Variants in LMLN observed in about 807,000 individuals in gnomAD.
The protein encoded by LMLN is leishmanolysin like peptidase.
A neutral mutation model predicts 92.3 loss-of-function variants in LMLN; 70 were observed. That is an observed-to-expected ratio of 0.76 (90% CI 0.63 to 0.92). The LOEUF is 0.92. Ranked by LOEUF, LMLN falls within the 40% of genes least tolerant of loss-of-function variation. The pLI is 0.00. For synonymous variants in LMLN, 308 were observed against 296.2 expected (o/e 1.04, Z -0.41); for missense variants, 691 against 814.6 (o/e 0.85, Z 1.85).
rs1721820329 is a variant in LMLN, at chr3:197,990,006, C to A, written c.930-553C>A. Among the ~76,000 whole-genome samples the A allele has an allele frequency of 1.2e-4, 19 of 152,176 alleles. 1 individual carries two copies. Among genetic ancestry groups the A allele is most frequent in the Admixed American group, 1.2e-3 (19 of 15,282 alleles). On this transcript the variant is annotated intron_variant, in intron 8 of 15. Coordinates refer to ENST00000330198, the Ensembl canonical transcript of LMLN. ...CCTCTTGCCTCAGCCTCACGAGTAGCTGGGACTACAGGCACACACTACCAT... is the reference window on the plus strand; with the variant it reads ...CCTCTTGCCTCAGCCTCACGAGTAGATGGGACTACAGGCACACACTACCAT...
chr3:197,979,741 G>A (rs926804854), intron 5 of LMLN, among the ~76,000 whole-genome samples: 2 of 151,994 alleles, frequency 1.3e-5, no homozygotes, highest in African/African-American at 2.4e-5. Context: ...CCGAGATCAC[G>A]CCACTGCATT....
intron 14 of LMLN, among the ~76,000 whole-genome samples, chr3:198,035,365 T>G (rs1440727702): frequency 7.0e-6 from 1 of 142,110 alleles, no homozygotes; most frequent in East Asian, 2.0e-4. Context: ...CTTTTGGTTT[T>G]TTTTTTTTTT....
intron 11 of LMLN, among the ~76,000 whole-genome samples, chr3:198,015,222 C>G (rs1241477431): frequency 7.2e-5 from 10 of 138,466 alleles, no homozygotes; most frequent in East Asian, 2.2e-4. Context: ...AGCCTCCTAA[C>G]TAGTCTGACT....
chr3:197,991,111 C>CTTTTT (rs56713833), intron 9 of LMLN, among the ~76,000 whole-genome samples: 3 of 137,894 alleles, frequency 2.2e-5, no homozygotes, highest in African/African-American at 2.7e-5. Flanking sequence ...TTCTTTCTTT[C>CTTTTT]TTTTTTTTTT....
chr3:197,990,114 G>T (rs550232540), intron 8 of LMLN, among the ~76,000 whole-genome samples: 1 of 152,148 alleles, frequency 6.6e-6, no homozygotes, highest in South Asian at 2.1e-4. Flanking sequence ...CCAGTCTGGA[G>T]TGCAGTGGCA....
chr3:198,043,256 G>A (rs1723460768), exon 16 of LMLN: 1 of 152,380 alleles, frequency 6.6e-6, no homozygotes, highest in Non-Finnish European at 1.5e-5. Flanking sequence ...TGTGCTGGCT[G>A]TGATCTGCCT....
intron 6 of LMLN, among the ~76,000 whole-genome samples, chr3:197,982,991 C>T (rs1721601185): frequency 6.6e-6 from 1 of 152,168 alleles, no homozygotes; most frequent in Admixed American, 6.5e-5. Context: ...TTGTTTTCTT[C>T]CAAGTGCTGC....
chr3:198,011,439 C>A (rs1207381780), intron 11 of LMLN, among the ~76,000 whole-genome samples: 1 of 151,614 alleles, frequency 6.6e-6, no homozygotes, highest in Non-Finnish European at 1.5e-5. Context: ...CATGTCCCTA[C>A]AAAGGACATG....
rs1204634032 is a variant in LMLN, at chr3:198,031,784, T to C, written c.1657-4049T>C. On this transcript the variant is annotated intron_variant, in intron 14 of 15. Coordinates refer to ENST00000330198, the Ensembl canonical transcript of LMLN. The surrounding 1 kb of genome is among the most constrained non-coding windows in gnomAD (Gnocchi z 4.8). ...AATGGGTTGATTCTATTTTTGGTGATCATTAACAGCCTGTTCATATTCAAG... is the reference window on the plus strand; with the variant it reads ...AATGGGTTGATTCTATTTTTGGTGACCATTAACAGCCTGTTCATATTCAAG... Among the ~76,000 whole-genome samples, 2 of 152,066 alleles carry C rather than the reference T, an allele frequency of 1.3e-5. No homozygotes were observed. Among genetic ancestry groups the C allele is most frequent in the African/African-American group, 4.8e-5 (2 of 41,394 alleles).
chr3:197,964,535 A>G (rs1419789556), intron 1 of LMLN, among the ~76,000 whole-genome samples: 1 of 151,258 alleles, frequency 6.6e-6, no homozygotes, highest in Non-Finnish European at 1.5e-5. Flanking sequence ...AGTAGTTGGG[A>G]CTACAGGTGC....
Position 198,042,394 on chromosome 3 carries a change from A to G in LMLN, c.*3727A>G, listed in dbSNP as rs1723432496. ...ACAGAGTGAGACTTTCTTGGGAAAA[A>G]AAAAAATGACAGTGAAGCAGACTTT... is the stretch of plus-strand genomic sequence containing the variant. On this transcript the variant is annotated 3_prime_UTR_variant, in exon 16 of 16. Coordinates refer to ENST00000330198, the Ensembl canonical transcript of LMLN. The surrounding 1 kb of genome is among the most constrained non-coding windows in gnomAD (Gnocchi z 4.2). 6.6e-6 allele frequency: 1 copy of G among 152,200 alleles called. No individual in the cohort carries two copies. Among genetic ancestry groups the G allele is most frequent in the Non-Finnish European group, 1.5e-5 (1 of 68,046 alleles). 9.4% of individuals were successfully genotyped at this position (152,200 alleles called of 1,614,324 possible).
exon 15 of LMLN, chr3:198,035,842 TCTC>T (rs1291606278): frequency 6.2e-7 from 1 of 1,613,572 alleles, no homozygotes; most frequent in African/African-American, 1.3e-5. Flanking sequence ...GGTTTCTTGT[TCTC>T]CTCAAGGTCT....
intron 13 of LMLN, among the ~76,000 whole-genome samples, chr3:198,024,075 CT>C (rs1369149012): frequency 7.9e-5 from 12 of 152,112 alleles, no homozygotes; most frequent in Admixed American, 7.9e-4. Flanking sequence ...TCTAACGATT[CT>C]TAGTGCTAGT....
intron 13 of LMLN, among the ~76,000 whole-genome samples, chr3:198,021,850 T>G (rs1288074254): frequency 6.6e-6 from 1 of 152,240 alleles, no homozygotes; most frequent in Non-Finnish European, 1.5e-5. Context: ...CTTACAATTG[T>G]GCCTGACCCA....
rs1722756549 is a variant in LMLN at position 198,020,768 on chromosome 3, A to ATTGTTTT, written c.1366-676_1366-675insGTTTTTT. The stretch of plus-strand genomic sequence containing the variant: ...GCCACCACACCCAGCTAATTTTTGT[A>ATTGTTTT]TTTTTTTTTTTTTTTTTTTTTTTTT... On this transcript the variant is annotated intron_variant, in intron 12 of 15. Coordinates refer to ENST00000330198, the Ensembl canonical transcript of LMLN. Among the ~76,000 whole-genome samples, 131 of 32,862 alleles carry ATTGTTTT rather than the reference A, an allele frequency of 4.0e-3. 18 individuals carry two copies. Among genetic ancestry groups the ATTGTTTT allele is most frequent in the African/African-American group, 0.012 (100 of 8,330 alleles). 21.6% of individuals were successfully genotyped at this position (32,862 alleles called of 152,430 possible). A position where few individuals can be genotyped will look rare whatever the true frequency, so the allele number is the denominator to read the frequency against.
At chr3:198,029,925 C>T (rs1342936564) in intron 14 of LMLN, among the ~76,000 whole-genome samples, 4 of 151,930 alleles carry the variant, frequency 2.6e-5, no homozygotes, top group African/African-American at 9.7e-5. Context: ...TCACTGCAAC[C>T]TCCGCTTCCC....
chr3:198,038,936 A>C, exon 16 of LMLN: 1 of 246,818 alleles, frequency 4.1e-6, no homozygotes, highest in Non-Finnish European at 6.9e-6. Flanking sequence ...CAGCAACCCA[A>C]CCACCTCGTC....
At chr3:197,980,255 C>A in intron 5 of LMLN, 71 bp from the exon 6 acceptor site, 1 of 1,292,826 alleles carries the variant, frequency 7.7e-7, no homozygotes, top group Non-Finnish European at 1.1e-6. Context: ...GTAGATTTTA[C>A]TATAAGATTA....
chr3:198,002,844 A>G (rs1274578918), intron 11 of LMLN, among the ~76,000 whole-genome samples, 171 bp from the exon 12 acceptor site: 1 of 152,246 alleles, frequency 6.6e-6, no homozygotes, highest in Non-Finnish European at 1.5e-5. Flanking sequence ...CCTGTGTAGC[A>G]GTCCCTGTGC....
Sources: gnomAD v4.1 joint callset for allele counts (sites outside exome capture counted in the v4.1 genomes callset) on GRCh38, gnomAD v4.1.1 for gene constraint, Gnocchi (gnomAD v3.1) non-coding constraint, MANE v1.5 for transcripts, NCBI Gene and HGNC (gene_info 2026-07-23, HGNC 2026-07-21) for gene names.